Variants in CSMD1 observed in about 807,000 individuals in gnomAD.
CSMD1 encodes the protein CUB and Sushi multiple domains 1, also known as CUB and sushi domain-containing protein 1.
Under a neutral mutation model 417.5 loss-of-function variants are expected in CSMD1, and 213 were observed. That is an observed-to-expected ratio of 0.51 (90% CI 0.46 to 0.57). The LOEUF is 0.57. Ranked by LOEUF, CSMD1 falls within the 20% of genes least tolerant of loss-of-function variation. The probability of loss-of-function intolerance (pLI) is 0.00; values close to 1 mark genes in which losing one functional copy is unlikely to be tolerated. For missense variants in CSMD1, 6,923 were observed against 4,529.7 expected, an observed-to-expected ratio of 1.53 and a Z score of -15.17; for synonymous variants, 2,862 against 1,736.8, an observed-to-expected ratio of 1.65 and a Z score of -16.11.
rs183671241 is a variant in CSMD1, at chr8:3,487,435, T to C, written c.1448+6188A>G. 7.9e-3 allele frequency among the ~76,000 whole-genome samples: 1,208 copies of C among 152,168 alleles called. 58 individuals are homozygous for C. Among genetic ancestry groups the C allele is most frequent in the Admixed American group, 0.074 (1,132 of 15,270 alleles). On this transcript the variant is annotated intron_variant, in intron 11 of 69. Coordinates refer to ENST00000635120, the MANE Select transcript of CSMD1 (RefSeq NM_033225.6). ...CCAGGATGGTCTCGTTCTCCTGACC[T>C]CGTGATCTGCCCGCCTCGGCCTCCC...
chr8:4,978,943 C>A (rs1281742931), intron 1 of CSMD1, among the ~76,000 whole-genome samples: 1 of 152,294 alleles, frequency 6.6e-6, no homozygotes, highest in African/African-American at 2.4e-5. Context: ...ACAGTCAGCA[C>A]AAAGACATTA....
At chr8:3,369,096 T>G (rs1468981573) in intron 19 of CSMD1, among the ~76,000 whole-genome samples, 158 bp downstream of exon 19, 1 of 152,240 alleles carries the variant, frequency 6.6e-6, no homozygotes, top group Admixed American at 6.5e-5. Context: ...AGACTATTGT[T>G]CTTCCAAAAT....
At chr8:3,513,070 G>C (rs2117406385) in intron 10 of CSMD1, among the ~76,000 whole-genome samples, 1 of 151,758 alleles carries the variant, frequency 6.6e-6, no homozygotes, top group East Asian at 1.9e-4. Flanking sequence ...GGATAGCTGT[G>C]TTTTCATGGT....
At chr8:3,216,811 G>C (rs1233877569) in intron 29 of CSMD1, among the ~76,000 whole-genome samples, 2 of 152,228 alleles carry the variant, frequency 1.3e-5, no homozygotes, top group Non-Finnish European at 2.9e-5. Flanking sequence ...TTTGTGAATT[G>C]TTGCACAGCA....
chr8:4,216,967 G>T (rs191986907), intron 3 of CSMD1, among the ~76,000 whole-genome samples: 1 of 152,048 alleles, frequency 6.6e-6, no homozygotes, highest in Non-Finnish European at 1.5e-5. Context: ...GGCTGTCCTA[G>T]GATAGGTCCC....
intron 4 of CSMD1, among the ~76,000 whole-genome samples, chr8:4,002,517 G>T (rs189309308): frequency 6.6e-6 from 1 of 152,068 alleles, no homozygotes; most frequent in African/African-American, 2.4e-5. Flanking sequence ...TGCCACAGAG[G>T]AAACAGTTTT....
intron 53 of CSMD1, among the ~76,000 whole-genome samples, chr8:2,998,387 T>C (rs943671738): frequency 3.0e-4 from 45 of 152,214 alleles, no homozygotes; most frequent in African/African-American, 1.1e-3. Context: ...GCTTTTAATA[T>C]AATTGTGGAA....
At position 3,630,809 on chromosome 8, in the gene CSMD1, G is replaced by T. The variant is rs9644277; in HGVS notation, c.1010-14012C>A. On this transcript the variant is annotated intron_variant, in intron 7 of 69. Coordinates refer to ENST00000635120, the MANE Select transcript of CSMD1 (RefSeq NM_033225.6). ...TAGAAGAACACATCACGATTTGGAA[G>T]GTCAAGAGTTCCATTGCTGATCTCA... 3.9e-5 allele frequency among the ~76,000 whole-genome samples: 6 copies of T among 152,284 alleles called. No homozygotes were observed. In the South Asian group the frequency reaches 1.2e-3, roughly 32 times the overall value.
chr8:4,138,386 CT>C (rs1276891058), intron 3 of CSMD1, among the ~76,000 whole-genome samples: 1 of 152,024 alleles, frequency 6.6e-6, no homozygotes, highest in Admixed American at 6.5e-5. Context: ...TGCTCTGGCA[CT>C]TTGCCTCCTT....
chr8:4,028,671 C>T lies in CSMD1; in HGVS notation c.610+3234G>A, dbSNP rs187067472. 5.7e-3 allele frequency among the ~76,000 whole-genome samples: 871 copies of T among 152,280 alleles called. 4 individuals are homozygous for T. Among genetic ancestry groups the T allele is most frequent in the Non-Finnish European group, 9.5e-3 (643 of 68,024 alleles). ...ACTTGTGTTTGGGTCATAACATTTA[C>T]TATCTCTGGAACCTTTTGCAAATTA... On this transcript the variant is annotated intron_variant, in intron 4 of 69. Transcript: ENST00000635120.
At chr8:3,666,559 G>C (rs1169801866) in intron 7 of CSMD1, among the ~76,000 whole-genome samples, 1 of 152,110 alleles carries the variant, frequency 6.6e-6, no homozygotes, top group African/African-American at 2.4e-5. Flanking sequence ...GTTTGGCTGT[G>C]TCCCCACCCA....
chr8:3,522,849 T>C (rs1797564012), intron 10 of CSMD1, among the ~76,000 whole-genome samples: 1 of 150,194 alleles, frequency 6.7e-6, no homozygotes, highest in Non-Finnish European at 1.5e-5. Context: ...TAGATATATA[T>C]AATTATATAT....
intron 49 of CSMD1, among the ~76,000 whole-genome samples, chr8:3,057,119 C>T (rs978062094): frequency 5.3e-5 from 8 of 151,926 alleles, no homozygotes; most frequent in Non-Finnish European, 8.8e-5. Context: ...CCATATAATG[C>T]TTATATGGTA....
chr8:3,920,629 T>C (rs1006461476), intron 5 of CSMD1, among the ~76,000 whole-genome samples: 2 of 152,198 alleles, frequency 1.3e-5, no homozygotes, highest in African/African-American at 4.8e-5. Flanking sequence ...ATATGACCTT[T>C]ATTATGTTGA....
chr8:2,944,031 A>G (rs2128914697), intron 68 of CSMD1, among the ~76,000 whole-genome samples: 1 of 152,324 alleles, frequency 6.6e-6, no homozygotes, highest in South Asian at 2.1e-4. Flanking sequence ...TTGCTTCAAT[A>G]GATGTAGGAT....
intron 3 of CSMD1, among the ~76,000 whole-genome samples, chr8:4,078,036 C>T (rs1259052028): frequency 6.6e-6 from 1 of 152,102 alleles, no homozygotes; most frequent in Non-Finnish European, 1.5e-5. Flanking sequence ...GAAATGCAAT[C>T]CACCAGTAGG....
intron 11 of CSMD1, among the ~76,000 whole-genome samples, chr8:3,477,068 A>G (rs35143447): frequency 0.61 from 92,908 of 151,818 alleles, 29,158 homozygotes; most frequent in Middle Eastern, 0.74. Flanking sequence ...ACATGTATTT[A>G]CAGTCATAGA....
At chr8:4,689,210 T>C (rs528074571) in intron 1 of CSMD1, among the ~76,000 whole-genome samples, 1 of 152,320 alleles carries the variant, frequency 6.6e-6, no homozygotes, top group South Asian at 2.1e-4. Flanking sequence ...GTTCAGATCC[T>C]ACTGTGAGGT....
intron 5 of CSMD1, among the ~76,000 whole-genome samples, chr8:3,795,431 TATAG>T (rs1273408445): frequency 3.2e-5 from 1 of 31,420 alleles, no homozygotes; most frequent in African/African-American, 1.2e-4. Flanking sequence ...CTATCATAGA[TATAG>T]ATATATATCT....
Sources: gnomAD v4.1 joint callset for allele counts (sites outside exome capture counted in the v4.1 genomes callset) on GRCh38, gnomAD v4.1.1 for gene constraint, MANE v1.5 for transcripts, NCBI Gene and HGNC (gene_info 2026-07-23, HGNC 2026-07-21) for gene names.